Variants in MED17 observed in about 807,000 individuals in gnomAD.
MED17 encodes the protein mediator complex subunit 17, also known as mediator of RNA polymerase II transcription subunit 17.
A neutral mutation model predicts 80.8 loss-of-function variants in MED17; 49 were observed. That is an observed-to-expected ratio of 0.61 (90% CI 0.48 to 0.77). The LOEUF (loss-of-function observed/expected upper bound fraction) is 0.77, where lower values mean the gene tolerates loss of function less well. Among genes scored for constraint, MED17 ranks in the 30% least tolerant of loss-of-function variants. The pLI, the probability that MED17 is intolerant of heterozygous loss-of-function variation, is 0.00. For synonymous variants in MED17, 281 were observed against 280.4 expected, an observed-to-expected ratio of 1.00 and a Z score of -0.02; for missense variants, 718 against 787.0, an observed-to-expected ratio of 0.91 and a Z score of 1.05.
chr11:93,801,925 T>C lies in MED17; in HGVS notation c.1419T>C (p.Ser473=). The C allele has an allele frequency of 6.2e-7, 1 of 1,613,080 alleles. No individual in the cohort carries two copies. Among genetic ancestry groups the C allele is most frequent in the Non-Finnish European group, 8.5e-7 (1 of 1,179,688 alleles). ...HWSNINDVYE[S]SVKVLITSQG... ...CAAATATCAATGATGTTTATGAATC[T>C]AGTGTGAAAGTTTTAATCACATCAC... Residue 473 remains serine, a synonymous_variant, in exon 9 of 12, where the codon TCT becomes TCC. Transcript: ENST00000251871.
rs761547787 is a variant in MED17, at chr11:93,813,662, T to C, written c.*1598T>C. On this transcript the variant is annotated 3_prime_UTR_variant, in exon 12 of 12. Transcript: ENST00000251871. ...AAAAATGAATTCCTAAAATGAAATTTTGAAAAGATACAAAATAAAAGCCCC... is the reference window on the plus strand; with the variant it reads ...AAAAATGAATTCCTAAAATGAAATTCTGAAAAGATACAAAATAAAAGCCCC... 6.6e-6 allele frequency: 1 copy of C among 152,202 alleles called. No homozygotes were observed. The highest frequency in any genetic ancestry group is 1.5e-5 in the Non-Finnish European group (1 of 68,030). The allele number at this position is 152,202 out of a possible 1,614,324, so 9.4% of individuals were successfully genotyped here. A position where few individuals can be genotyped will look rare whatever the true frequency, so the allele number is the denominator to read the frequency against.
At chr11:93,788,303 T>A in intron 2 of MED17, 136 bp downstream of exon 2, 1 of 707,556 alleles carries the variant, frequency 1.4e-6, no homozygotes, top group Non-Finnish European at 2.4e-6. Flanking sequence ...CTAACTGGTC[T>A]AAAACAAAGC....
At chr11:93,797,321 A>T in intron 7 of MED17, 1 of 550,570 alleles carries the variant, frequency 1.8e-6, no homozygotes, top group Non-Finnish European at 3.2e-6. Context: ...ACATGAGAAA[A>T]GGAAAAAAGT....
At chr11:93,808,608 T>G (rs1294380423) in intron 10 of MED17, 1 of 149,964 alleles carries the variant, frequency 6.7e-6, no homozygotes, top group East Asian at 2.0e-4. Context: ...AATAGTATCT[T>G]GCATTAGCAT....
chr11:93,799,457 TGG>T (rs1295701930), intron 8 of MED17, among the ~76,000 whole-genome samples: 4 of 152,112 alleles, frequency 2.6e-5, no homozygotes, highest in African/African-American at 9.7e-5. Flanking sequence ...ATTACAGGCG[TGG>T]GCCACCGTGC....
chr11:93,793,571 C>T, intron 3 of MED17, 157 bp from the exon 4 acceptor site: 1 of 584,742 alleles, frequency 1.7e-6, no homozygotes, highest in South Asian at 2.2e-5. Context: ...TTCCTTTGTT[C>T]ACCATTCCTC....
chr11:93,791,964 G>A (rs1943841272), intron 3 of MED17, among the ~76,000 whole-genome samples: 1 of 152,198 alleles, frequency 6.6e-6, no homozygotes, highest in African/African-American at 2.4e-5. Context: ...GCATACTAAA[G>A]TTTGATGATG....
intron 8 of MED17, among the ~76,000 whole-genome samples, chr11:93,797,932 C>T (rs1439872649): frequency 6.6e-6 from 1 of 152,196 alleles, no homozygotes; most frequent in Non-Finnish European, 1.5e-5. Context: ...CTTTCTAACA[C>T]TGTCACTTTT....
chr11:93,787,052 G>A (rs1457971987), intron 1 of MED17, among the ~76,000 whole-genome samples: 7 of 146,720 alleles, frequency 4.8e-5, no homozygotes, highest in Non-Finnish European at 1.0e-4. Flanking sequence ...AGTGGGGGCG[G>A]GGGAAAGGCA....
intron 3 of MED17, 41 bp downstream of exon 3, chr11:93,790,834 T>G: frequency 3.9e-6 from 6 of 1,543,130 alleles, no homozygotes; most frequent in Non-Finnish European, 5.4e-6. Context: ...TGGCCAGGTG[T>G]GGTGGCTCAT....
intron 1 of MED17, among the ~76,000 whole-genome samples, chr11:93,786,099 G>A (rs1027674669): frequency 2.0e-5 from 3 of 152,164 alleles, no homozygotes; most frequent in Non-Finnish European, 4.4e-5. Context: ...CATAAGCAAA[G>A]TAAAAAGATA....
chr11:93,807,809 A>G, intron 10 of MED17, 174 bp downstream of exon 10: 2 of 640,748 alleles, frequency 3.1e-6, no homozygotes, highest in South Asian at 3.5e-5. Context: ...CTGTTGGTTA[A>G]CTGGAAGTAC....
chr11:93,809,221 A>G (rs1421593545), intron 10 of MED17: 1 of 248,078 alleles, frequency 4.0e-6, no homozygotes, highest in Non-Finnish European at 8.0e-6. Context: ...AAGAGATACA[A>G]CCAGCCTAGA....
chr11:93,793,889 T>TTTGAC, intron 4 of MED17, 25 bp downstream of exon 4: 1 of 1,613,438 alleles, frequency 6.2e-7, no homozygotes, highest in South Asian at 1.1e-5. Flanking sequence ...ATTTTTCAAG[T>TTTGAC]AATTTCTTAC....
intron 5 of MED17, 45 bp from the exon 6 acceptor site, chr11:93,794,863 C>T (rs1239252765): frequency 1.3e-6 from 2 of 1,583,852 alleles, no homozygotes; most frequent in African/African-American, 1.3e-5. Flanking sequence ...CTAGTTAATG[C>T]ATAATATGGT....
At chr11:93,796,710 A>G (rs1204371666) in intron 7 of MED17, among the ~76,000 whole-genome samples, 170 bp downstream of exon 7, 2 of 152,202 alleles carry the variant, frequency 1.3e-5, no homozygotes, top group Non-Finnish European at 2.9e-5. Flanking sequence ...GATAATCACA[A>G]TACTGTCCCT....
At chr11:93,806,538 C>G (rs1206046279) in intron 9 of MED17, 8 of 152,068 alleles carry the variant, frequency 5.3e-5, no homozygotes, top group African/African-American at 1.7e-4. Context: ...TTTATTTGAC[C>G]TAAGCCAAAT....
chr11:93,805,886 G>A (rs1179239555), intron 9 of MED17, among the ~76,000 whole-genome samples: 6 of 151,628 alleles, frequency 4.0e-5, no homozygotes, highest in Non-Finnish European at 7.4e-5. Context: ...ATCACTCAAC[G>A]TCAGGATTTC....
Position 93,784,324 on chromosome 11 carries a change from C to A in MED17, c.-190C>A. The stretch of plus-strand genomic sequence containing the variant: ...CTTACCGAGGAGGGAGCTTGCGGTG[C>A]GTTCTGGGAAAGTTGCTGGGCCAGC... On this transcript the variant is annotated 5_prime_UTR_variant, in exon 1 of 12. Transcript: ENST00000251871. 1 of 721,148 alleles carries A rather than the reference C, an allele frequency of 1.4e-6. No homozygotes were observed. Among genetic ancestry groups the A allele is most frequent in the Non-Finnish European group, 2.2e-6 (1 of 458,970 alleles). The allele number at this position is 721,148 out of a possible 1,614,324, so 44.7% of individuals were successfully genotyped here. A position where few individuals can be genotyped will look rare whatever the true frequency, so the allele number is the denominator to read the frequency against.
Sources: gnomAD v4.1 joint callset for allele counts (sites outside exome capture counted in the v4.1 genomes callset) on GRCh38, gnomAD v4.1.1 for gene constraint, MANE v1.5 for transcripts, NCBI Gene and HGNC (gene_info 2026-07-23, HGNC 2026-07-21) for gene names.